The following ACOXL variants were observed in gnomAD, a reference collection of about 807,000 sequenced individuals.
The protein encoded by ACOXL is acyl-CoA oxidase like, also known as acyl-coenzyme A oxidase-like protein.
A neutral mutation model predicts 71.9 loss-of-function variants in ACOXL; 70 were observed. That is an observed-to-expected ratio of 0.97 (90% CI 0.80 to 1.19). ACOXL has a LOEUF of 1.19. Ranked by LOEUF, ACOXL falls within the 50% of genes most tolerant of loss-of-function variation. ACOXL has a pLI of 0.00. For synonymous variants in ACOXL, 253 were observed against 281.6 expected (o/e 0.90, Z 1.02); for missense variants, 703 against 736.3 (o/e 0.95, Z 0.52).
chr2:110,987,972 G>C (rs1024954999), intron 13 of ACOXL, among the ~76,000 whole-genome samples: 4 of 152,130 alleles, frequency 2.6e-5, no homozygotes, highest in Non-Finnish European at 5.9e-5. Flanking sequence ...ACATTACTTA[G>C]AATAAGAAAT....
chr2:110,897,763 A>G (rs2059072066), intron 10 of ACOXL, among the ~76,000 whole-genome samples: 1 of 151,776 alleles, frequency 6.6e-6, no homozygotes, highest in Admixed American at 6.6e-5. Context: ...GAAATCAATG[A>G]AATGGAAAAC....
chr2:110,747,637 G>A (rs896068900), intron 1 of ACOXL, among the ~76,000 whole-genome samples: 4 of 152,202 alleles, frequency 2.6e-5, no homozygotes, highest in African/African-American at 4.8e-5. Context: ...TCAATCAGAC[G>A]TGCCCTGGGG....
intron 10 of ACOXL, among the ~76,000 whole-genome samples, chr2:110,882,179 T>C (rs756873371): frequency 1.1e-4 from 17 of 152,210 alleles, no homozygotes; most frequent in African/African-American, 1.7e-4. Flanking sequence ...TGTGTAGTGG[T>C]ATCTCATTGT....
At chr2:111,046,059 C>G (rs6707536) in intron 15 of ACOXL, among the ~76,000 whole-genome samples, 1 of 152,190 alleles carries the variant, frequency 6.6e-6, no homozygotes, top group Non-Finnish European at 1.5e-5. Flanking sequence ...ACACTAGAGA[C>G]TGATTGGGAA....
intron 15 of ACOXL, among the ~76,000 whole-genome samples, chr2:111,048,096 C>T (rs2066103245): frequency 1.3e-5 from 2 of 152,226 alleles, no homozygotes. Context: ...TCCAGGCATG[C>T]TTGAGGTCAA....
intron 11 of ACOXL, among the ~76,000 whole-genome samples, chr2:110,923,853 T>G (rs1265704805): frequency 6.6e-6 from 1 of 152,008 alleles, no homozygotes; most frequent in Non-Finnish European, 1.5e-5. Context: ...GGAGAATTGC[T>G]TGAACTCAGG....
chr2:110,961,541 AGAG>A (rs2061699766), intron 12 of ACOXL, among the ~76,000 whole-genome samples: 1 of 152,202 alleles, frequency 6.6e-6, no homozygotes, highest in Admixed American at 6.5e-5. Flanking sequence ...CCACCGGAAA[AGAG>A]GAGAGCAAAA....
chr2:110,882,558 G>A (rs572633920), intron 10 of ACOXL, among the ~76,000 whole-genome samples: 67 of 152,180 alleles, frequency 4.4e-4, no homozygotes, highest in African/African-American at 1.6e-3. Context: ...CTAACCCAAA[G>A]CCACAAAGAT....
chr2:110,927,310 T>G (rs1028791095), intron 11 of ACOXL, among the ~76,000 whole-genome samples: 1 of 152,092 alleles, frequency 6.6e-6, no homozygotes, highest in African/African-American at 2.4e-5. Context: ...AAGATGAGAT[T>G]TGGGTGGGGA....
In ACOXL at chr2:111,060,930, A is replaced by G. The variant is rs79194656; in HGVS notation, c.1440+11642A>G. ...CAGAATGGAGAGAACAGAGGAAAGA[A>G]TAAGTGAACTGGAAGATACAATAGA... On this transcript the variant is annotated intron_variant, in intron 16 of 17. Transcript: ENST00000439055. 1.9e-3 allele frequency among the ~76,000 whole-genome samples: 296 copies of G among 152,336 alleles called. 5 individuals carry two copies. The East Asian group carries it at 0.046, about 24-fold the overall frequency.
intron 16 of ACOXL, among the ~76,000 whole-genome samples, chr2:111,064,034 T>C (rs1416732604): frequency 6.6e-6 from 1 of 152,228 alleles, no homozygotes; most frequent in Non-Finnish European, 1.5e-5. Context: ...AGGTCAACGT[T>C]CATTCATTGT....
intron 10 of ACOXL, 55 bp from the exon 11 acceptor site, chr2:110,908,734 A>C: frequency 7.2e-7 from 1 of 1,382,490 alleles, no homozygotes; most frequent in African/African-American, 1.4e-5. Context: ...CTGGAAATGA[A>C]GTTACCTCCC....
intron 12 of ACOXL, among the ~76,000 whole-genome samples, chr2:110,947,091 A>C (rs2149392324): frequency 6.6e-6 from 1 of 151,356 alleles, no homozygotes; most frequent in South Asian, 2.1e-4. Flanking sequence ...CGTGTTGAAA[A>C]CCCTTCACCT....
chr2:110,836,887 G>A (rs888178374), intron 9 of ACOXL, among the ~76,000 whole-genome samples: 6 of 152,248 alleles, frequency 3.9e-5, no homozygotes, highest in African/African-American at 1.2e-4. Flanking sequence ...CAGGCAGGGT[G>A]CAAGGCAGGT....
At chr2:110,972,626 C>T (rs959127266) in intron 12 of ACOXL, among the ~76,000 whole-genome samples, 8 of 139,504 alleles carry the variant, frequency 5.7e-5, no homozygotes, top group African/African-American at 1.6e-4. Flanking sequence ...CTCTCTCACA[C>T]GCACATGCAC....
intron 12 of ACOXL, among the ~76,000 whole-genome samples, chr2:110,935,282 C>T (rs2060620274): frequency 6.6e-6 from 1 of 152,122 alleles, no homozygotes; most frequent in Non-Finnish European, 1.5e-5. Context: ...TGACTCATTC[C>T]CTTTCTCGCA....
chr2:111,042,254 T>C (rs1212994839), intron 15 of ACOXL, among the ~76,000 whole-genome samples: 1 of 152,250 alleles, frequency 6.6e-6, no homozygotes, highest in Non-Finnish European at 1.5e-5. Context: ...GTTTATTTGC[T>C]TAGAAGGTTT....
intron 16 of ACOXL, among the ~76,000 whole-genome samples, chr2:111,060,131 G>T (rs931004432): frequency 3.3e-5 from 5 of 152,142 alleles, no homozygotes; most frequent in Non-Finnish European, 7.4e-5. Flanking sequence ...GGGAGCTGGG[G>T]TTTTCATCTC....
rs1045745290 is a variant in ACOXL at position 111,118,002 on chromosome 2, C to G, written c.*186C>G. ...CGCGGCTGGCTGCTAGGAAAGAGAT[C>G]CAGACGGTCGCCTGGTGCGCTGGAT... On this transcript the variant is annotated 3_prime_UTR_variant, in exon 18 of 18. Coordinates refer to ENST00000439055, the MANE Select transcript of ACOXL (RefSeq NM_001142807.4). 1.4e-6 allele frequency: 1 copy of G among 697,480 alleles called. No homozygotes were observed. The highest frequency in any genetic ancestry group is 1.8e-5 in the African/African-American group (1 of 55,182). The allele number at this position is 697,480 out of a possible 1,614,324, so 43.2% of individuals were successfully genotyped here.
Sources: allele counts gnomAD v4.1 joint callset (sites outside exome capture counted in the v4.1 genomes callset), GRCh38; gene constraint gnomAD v4.1.1; transcripts MANE v1.5; gene names NCBI Gene and HGNC (gene_info 2026-07-23, HGNC 2026-07-21).